The following TRPC1 variants were observed in gnomAD, a reference collection of about 807,000 sequenced individuals.
TRPC1 encodes short transient receptor potential channel 1.
Under a neutral mutation model 88.2 loss-of-function variants are expected in TRPC1, and 42 were observed. The ratio of observed to expected loss-of-function variants is 0.48; its 90% confidence interval spans 0.37 to 0.62. The LOEUF (loss-of-function observed/expected upper bound fraction) is 0.62, where lower values mean the gene tolerates loss of function less well. TRPC1 is among the 20% of genes least tolerant of loss of function. The pLI is 0.00. For missense variants in TRPC1, 699 were observed against 957.3 expected (o/e 0.73, Z 3.56); for synonymous variants, 288 against 331.8 (o/e 0.87, Z 1.43).
intron 9 of TRPC1, among the ~76,000 whole-genome samples, chr3:142,797,637 C>T (rs2039544396): frequency 6.6e-6 from 1 of 152,090 alleles, no homozygotes; most frequent in African/African-American, 2.4e-5. Flanking sequence ...AAATCTTGCT[C>T]CATCACTTAC....
chr3:142,757,956 G>A (rs1276608448), intron 4 of TRPC1, among the ~76,000 whole-genome samples: 1 of 152,072 alleles, frequency 6.6e-6, no homozygotes, highest in Non-Finnish European at 1.5e-5. Flanking sequence ...TATCCTTTGT[G>A]TTGCAAACAA....
chr3:142,725,826 TCTC>T (rs956106553), intron 1 of TRPC1, among the ~76,000 whole-genome samples: 3 of 152,154 alleles, frequency 2.0e-5, no homozygotes, highest in Admixed American at 6.5e-5. Context: ...CTTCCTAACC[TCTC>T]CTCCTGCTTT....
chr3:142,802,746 AAG>A (rs1228734070), intron 10 of TRPC1, among the ~76,000 whole-genome samples: 3 of 152,088 alleles, frequency 2.0e-5, no homozygotes, highest in African/African-American at 7.3e-5. Flanking sequence ...AACACTTTTT[AAG>A]AGGTCATTAG....
In TRPC1 at chr3:142,724,456, C is replaced by G; in HGVS notation, c.-104C>G. Reference sequence around the variant, plus strand: ...CGAGCCGAGGCAGCAGTGGGAACGACTCATCCTTTTTCCAGCCCTGGGGCG... The same window carrying G: ...CGAGCCGAGGCAGCAGTGGGAACGAGTCATCCTTTTTCCAGCCCTGGGGCG... On this transcript the variant is annotated 5_prime_UTR_variant, in exon 1 of 13. Transcript: ENST00000476941. This position sits in a 1 kb window ranked among gnomAD's most constrained non-coding sequence, Gnocchi z 5.6. 8.4e-7 allele frequency: 1 copy of G among 1,190,480 alleles called. No homozygotes were observed. The highest frequency in any genetic ancestry group is 1.6e-5 in the South Asian group (1 of 61,554). 73.7% of individuals were successfully genotyped at this position (1,190,480 alleles called of 1,614,324 possible).
chr3:142,793,952 C>T, intron 9 of TRPC1: 1 of 940,294 alleles, frequency 1.1e-6, no homozygotes, highest in South Asian at 4.9e-5. Flanking sequence ...GTGAGATGCT[C>T]TGAATTAAGT....
chr3:142,786,795 G>T (rs1936147746), intron 7 of TRPC1, among the ~76,000 whole-genome samples: 1 of 152,074 alleles, frequency 6.6e-6, no homozygotes, highest in Non-Finnish European at 1.5e-5. Context: ...TTAAACAGAT[G>T]AAATTTTATA....
intron 4 of TRPC1, among the ~76,000 whole-genome samples, chr3:142,769,575 T>C (rs1023922722): frequency 6.6e-6 from 1 of 152,194 alleles, no homozygotes; most frequent in African/African-American, 2.4e-5. Flanking sequence ...TTGTTATATG[T>C]TGCGTCTTCA....
At position 142,792,748 on chromosome 3, in the gene TRPC1, A is replaced by G. The variant is rs1936329458; in HGVS notation, c.1438-76A>G. The G allele has an allele frequency of 1.4e-6, 2 of 1,404,736 alleles. No individual in the cohort carries two copies. Among genetic ancestry groups the G allele is most frequent in the African/African-American group, 1.5e-5 (1 of 67,832 alleles). The allele number at this position is 1,404,736 out of a possible 1,614,324, so 87.0% of individuals were successfully genotyped here. On this transcript the variant is annotated intron_variant, in intron 8 of 12. Transcript: ENST00000476941. This position sits in a 1 kb window ranked among gnomAD's most constrained non-coding sequence, Gnocchi z 4.0. ...ACAAAATTAAAATGGCTTTCTTTCA[A>G]CAGTCAGAATATTTGCTTTTATTTT... is the stretch of plus-strand genomic sequence containing the variant.
intron 2 of TRPC1, among the ~76,000 whole-genome samples, chr3:142,738,774 A>G (rs1934233683): frequency 6.6e-6 from 1 of 152,174 alleles, no homozygotes; most frequent in Non-Finnish European, 1.5e-5. Flanking sequence ...GAAATATAGA[A>G]TAGGTTGGGG....
rs1007261084 is a variant in TRPC1, at chr3:142,767,188, A to G, written c.633-10444A>G. Among the ~76,000 whole-genome samples, 1 of 152,074 alleles carries G rather than the reference A, an allele frequency of 6.6e-6. No individual in the cohort carries two copies. Among genetic ancestry groups the G allele is most frequent in the Non-Finnish European group, 1.5e-5 (1 of 68,006 alleles). ...TTCTTTATTTTTACTGTTTATTCCT[A>G]AGTATTTTATACTTTTTGATACTAT... On this transcript the variant is annotated intron_variant, in intron 4 of 12. Coordinates refer to ENST00000476941, the MANE Select transcript of TRPC1 (RefSeq NM_001251845.2). This position sits in a 1 kb window ranked among gnomAD's most constrained non-coding sequence, Gnocchi z 5.1.
intron 4 of TRPC1, among the ~76,000 whole-genome samples, chr3:142,754,410 A>G (rs889013881): frequency 2.0e-5 from 3 of 152,184 alleles, no homozygotes; most frequent in East Asian, 3.8e-4. Context: ...TTTAATTTGC[A>G]TAAAGTATAA....
chr3:142,736,654 T>C, intron 2 of TRPC1, 121 bp downstream of exon 2: 2 of 957,162 alleles, frequency 2.1e-6, no homozygotes, highest in Non-Finnish European at 2.9e-6. Flanking sequence ...TTTCTTTCTT[T>C]GTCTCTCTTA....
chr3:142,735,199 A>C (rs1183960167), intron 1 of TRPC1, among the ~76,000 whole-genome samples: 1 of 152,218 alleles, frequency 6.6e-6, no homozygotes, highest in South Asian at 2.1e-4. Flanking sequence ...AAGAAGTTGT[A>C]TGTGTGAGGC....
At chr3:142,761,170 T>C (rs1935171735) in intron 4 of TRPC1, among the ~76,000 whole-genome samples, 1 of 152,170 alleles carries the variant, frequency 6.6e-6, no homozygotes, top group South Asian at 2.1e-4. Context: ...TGTTCCAGTC[T>C]TTAGAGGAAA....
At chr3:142,730,066 A>T (rs533291590) in intron 1 of TRPC1, among the ~76,000 whole-genome samples, 122 of 152,268 alleles carry the variant, frequency 8.0e-4, no homozygotes, top group Admixed American at 2.0e-3. Flanking sequence ...AATGTATATG[A>T]GATTAAATTT....
intron 4 of TRPC1, among the ~76,000 whole-genome samples, chr3:142,771,634 A>C (rs190124207): frequency 1.1e-4 from 17 of 152,308 alleles, no homozygotes; most frequent in African/African-American, 4.1e-4. Context: ...TACCATCTCT[A>C]GGCATTTCCT....
intron 4 of TRPC1, among the ~76,000 whole-genome samples, chr3:142,751,089 A>G (rs1271451432): frequency 6.6e-6 from 1 of 152,204 alleles, no homozygotes; most frequent in East Asian, 1.9e-4. Flanking sequence ...AAAATAAAAA[A>G]ATTACTGTGA....
At chr3:142,777,566 T>C (rs1935821843) in intron 4 of TRPC1, 66 bp from the exon 5 acceptor site, 6 of 1,073,696 alleles carry the variant, frequency 5.6e-6, no homozygotes, top group South Asian at 3.0e-5. Context: ...ATGAAAATTA[T>C]AGATTAAAAT....
chr3:142,762,432 T>C (rs1935218088), intron 4 of TRPC1, among the ~76,000 whole-genome samples: 1 of 147,250 alleles, frequency 6.8e-6, no homozygotes, highest in Admixed American at 6.7e-5. Context: ...TTCTTGATTT[T>C]TTTTTTTTTT....
Sources: allele counts gnomAD v4.1 joint callset (sites outside exome capture counted in the v4.1 genomes callset), GRCh38; gene constraint gnomAD v4.1.1; non-coding constraint Gnocchi (gnomAD v3.1); transcripts MANE v1.5; gene names NCBI Gene and HGNC (gene_info 2026-07-23, HGNC 2026-07-21).